The following IL27RA variants were observed in gnomAD, a reference collection of about 807,000 sequenced individuals.
The protein encoded by IL27RA is interleukin-27 receptor subunit alpha.
A neutral mutation model predicts 80.8 loss-of-function variants in IL27RA; 61 were observed. The observed-to-expected ratio is 0.76, with a 90% confidence interval of 0.61 to 0.93. IL27RA has a LOEUF of 0.93. IL27RA is among the 40% of genes least tolerant of loss of function. The probability of loss-of-function intolerance (pLI) is 0.00; values close to 1 mark genes in which losing one functional copy is unlikely to be tolerated. For synonymous variants in IL27RA, 316 were observed against 332.5 expected, an observed-to-expected ratio of 0.95 and a Z score of 0.54; for missense variants, 735 against 808.1, an observed-to-expected ratio of 0.91 and a Z score of 1.10.
Position 14,046,338 on chromosome 19 carries a change from G to T in IL27RA, c.952+1G>T. 1 of 1,613,614 alleles carries T rather than the reference G, an allele frequency of 6.2e-7. No individual in the cohort carries two copies. The highest frequency in any genetic ancestry group is 8.5e-7 in the Non-Finnish European group (1 of 1,179,716). Reference sequence around the variant, plus strand: ...ACCAACCTCTCTTTGGTCTGCTTGGGTAAGAGACTGTGACCTTCCTCAGCT... The same window carrying T: ...ACCAACCTCTCTTTGGTCTGCTTGGTTAAGAGACTGTGACCTTCCTCAGCT... On this transcript the variant is annotated splice_donor_variant, in intron 7 of 13. Transcript: ENST00000263379. LOFTEE classifies it high-confidence loss of function.
chr19:14,051,857 C>A lies in IL27RA; in HGVS notation c.1623-23C>A, dbSNP rs762798155. 17 of 1,558,954 alleles carry A rather than the reference C, an allele frequency of 1.1e-5. No individual in the cohort carries two copies. The Admixed American group carries it at 2.6e-4, about 24-fold the overall frequency. ...GCATCTGGCCATCTGGATCTGCTGC[C>A]CTGACTACTCCTGTCTTGCCAGGTG... On this transcript the variant is annotated intron_variant, in intron 12 of 13. Transcript: ENST00000263379.
intron 2 of IL27RA, among the ~76,000 whole-genome samples, chr19:14,034,259 T>C (rs1255001315): frequency 6.6e-6 from 1 of 152,158 alleles, no homozygotes; most frequent in Non-Finnish European, 1.5e-5. Context: ...TGGAAACTCA[T>C]AATTTCAAAT....
In IL27RA at chr19:14,032,505, TGA is replaced by T; in HGVS notation, c.218+4_218+5del. On this transcript the variant is annotated splice_donor_region_variant and intron_variant, in intron 2 of 13. Transcript: ENST00000263379. ...GTTACACCTCCAGAGCCAAAAGTAG[TGA>T]GTACAGGGAGGTGACGTGGGGAAAC... The T allele has an allele frequency of 6.3e-7, 1 of 1,595,966 alleles. No homozygotes were observed.
intron 2 of IL27RA, among the ~76,000 whole-genome samples, chr19:14,037,929 C>A (rs1381621186): frequency 6.6e-6 from 1 of 150,408 alleles, no homozygotes; most frequent in Non-Finnish European, 1.5e-5. Context: ...CTCCCTGGTT[C>A]AAGCGATTCT....
chr19:14,052,057 G>T (rs1268617542), intron 13 of IL27RA, 39 bp from the exon 14 acceptor site: 2 of 1,598,578 alleles, frequency 1.3e-6, no homozygotes, highest in East Asian at 2.3e-5. Context: ...GTGTGGGTCG[G>T]GGAGGCTGGG....
intron 4 of IL27RA, 29 bp downstream of exon 4, chr19:14,039,939 C>T (rs1465079466): frequency 5.6e-6 from 9 of 1,609,518 alleles, no homozygotes; most frequent in African/African-American, 1.3e-5. Context: ...TTCTCCCCAC[C>T]CTATTCCGGG....
chr19:14,050,935 G>A (rs1976153734), intron 11 of IL27RA, 52 bp downstream of exon 11: 17 of 1,547,536 alleles, frequency 1.1e-5, no homozygotes, highest in South Asian at 1.2e-5. Flanking sequence ...CTCCACAGTG[G>A]GGAGAGGTAG....
Position 14,052,537 on chromosome 19 carries a change from G to A in IL27RA, c.*247G>A, listed in dbSNP as rs12459785. ...AGGAAAATACATGAAATTGAGAGTGGCAGCTGCCTGCCAAAATCTGTTCCG... is the reference window on the plus strand; with the variant it reads ...AGGAAAATACATGAAATTGAGAGTGACAGCTGCCTGCCAAAATCTGTTCCG... On this transcript the variant is annotated 3_prime_UTR_variant, in exon 14 of 14. Coordinates refer to ENST00000263379, the MANE Select transcript of IL27RA (RefSeq NM_004843.4). 7.9e-5 allele frequency: 32 copies of A among 405,966 alleles called. No homozygotes were observed. The Admixed American group carries it at 1.3e-3, about 17-fold the overall frequency. The allele number at this position is 405,966 out of a possible 1,614,324, so 25.1% of individuals were successfully genotyped here. A position where few individuals can be genotyped will look rare whatever the true frequency, so the allele number is the denominator to read the frequency against.
chr19:14,042,853 A>C (rs1976012633), intron 6 of IL27RA, 64 bp downstream of exon 6: 1 of 1,393,240 alleles, frequency 7.2e-7, no homozygotes. Flanking sequence ...TAACAATGAC[A>C]TAAGGCCGGA....
chr19:14,040,013 T>G, intron 4 of IL27RA, 103 bp downstream of exon 4: 1 of 1,124,806 alleles, frequency 8.9e-7, no homozygotes, highest in Non-Finnish European at 1.3e-6. Flanking sequence ...TGCCTGCCCC[T>G]GAGCCTGTAT....
chr19:14,031,889 G>A lies in IL27RA; in HGVS notation c.17G>A (p.Gly6Asp), dbSNP rs1466759141. 1 of 1,602,766 alleles carries A rather than the reference G, an allele frequency of 6.2e-7. No individual in the cohort carries two copies. The highest frequency in any genetic ancestry group is 1.3e-5 in the African/African-American group (1 of 74,704). Reference sequence around the variant, plus strand: ...AGGGACGCCATGCGGGGAGGCAGGGGCGCCCCTTTCTGGCTGTGGCCGCTG... The same window carrying A: ...AGGGACGCCATGCGGGGAGGCAGGGACGCCCCTTTCTGGCTGTGGCCGCTG... MRGGR[G>D]APFWLWPLPK... The change falls in exon 1 of 14, where the codon GGC (glycine) becomes GAC (aspartate). Residue 6 changes from glycine to aspartate, a missense_variant. Gly to Asp is a moderately conservative substitution (Grantham distance 94, BLOSUM62 -1). Coordinates refer to ENST00000263379, the MANE Select transcript of IL27RA (RefSeq NM_004843.4).
chr19:14,032,000 G>A, intron 1 of IL27RA, 28 bp downstream of exon 1: 1 of 1,569,710 alleles, frequency 6.4e-7, no homozygotes, highest in Non-Finnish European at 8.7e-7. Flanking sequence ...CTCGTGTCCC[G>A]GGCGCTGCCG....
chr19:14,034,746 A>T (rs900288381), intron 2 of IL27RA, among the ~76,000 whole-genome samples: 1 of 151,054 alleles, frequency 6.6e-6, no homozygotes, highest in Admixed American at 6.6e-5. Context: ...AGGTCAGGAG[A>T]TCGAGACCAT....
At chr19:14,033,846 C>A (rs1274647932) in intron 2 of IL27RA, among the ~76,000 whole-genome samples, 1 of 151,270 alleles carries the variant, frequency 6.6e-6, no homozygotes, top group African/African-American at 2.4e-5. Flanking sequence ...TGCCTGTAAT[C>A]CCAGTTACTC....
chr19:14,049,308 A>C lies in IL27RA; in HGVS notation c.1396A>C (p.Met466Leu). The C allele has an allele frequency of 3.7e-6, 6 of 1,612,750 alleles. No homozygotes were observed. Among genetic ancestry groups the C allele is most frequent in the South Asian group, 1.1e-5 (1 of 90,962 alleles). ...GAGTGGAACCAGCCCCTCCGTCTGC[A>C]TGAATGGTGAGCTTCCCTGCCTGCT... ...AQSGTSPSVC[M>L]NVSGNTQSVT... Residue 466 changes from methionine to leucine, a missense_variant, in exon 10 of 14, where the codon ATG (methionine) becomes CTG (leucine). By Grantham distance (15) the Met-to-Leu change is conservative. Transcript: ENST00000263379.
intron 2 of IL27RA, among the ~76,000 whole-genome samples, chr19:14,036,083 A>T (rs1329278498): frequency 6.6e-6 from 1 of 151,690 alleles, no homozygotes; most frequent in African/African-American, 2.4e-5. Context: ...CTATTAAAAA[A>T]AAAAAAAAGA....
Position 14,042,764 on chromosome 19 carries a change from G to C in IL27RA, c.743G>C (p.Gly248Ala). ...VSGNLCGTPG[G>A]EEPLLLWKAP... is the part of the protein sequence containing the mutation. The stretch of plus-strand genomic sequence containing the variant: ...GGGAACCTCTGTGGGACGCCTGGAG[G>C]AGAGGAACCTTTGCTTCTATGGAAG... The change falls in exon 6 of 14, where the codon GGA (glycine) becomes GCA (alanine). Residue 248 changes from glycine (G) to alanine (A), a missense_variant. By Grantham distance (60) the Gly-to-Ala change is moderately conservative (BLOSUM62 0). Transcript: ENST00000263379. The C allele has an allele frequency of 6.2e-7, 1 of 1,614,156 alleles. No individual in the cohort carries two copies. The highest frequency in any genetic ancestry group is 8.5e-7 in the Non-Finnish European group (1 of 1,180,022).
At position 14,050,837 on chromosome 19, in the gene IL27RA, C is replaced by T. The variant is rs750111902; in HGVS notation, c.1482C>T (p.Ile494=). Residue 494 remains isoleucine, a synonymous_variant, in exon 11 of 14, where the codon ATC becomes ATT. Transcript: ENST00000263379. ...AGCTGTGGGTGACAGCATCTACCAT[C>T]GCTGGACAGGGCCCTCCTGGTCCCA... ...PCELWVTAST[I]AGQGPPGPIL... is the part of the protein sequence containing the mutation. 6.2e-6 allele frequency: 10 copies of T among 1,613,534 alleles called. No homozygotes were observed. Among genetic ancestry groups the T allele is most frequent in the East Asian group, 4.5e-5 (2 of 44,870 alleles).
chr19:14,041,421 G>A (rs758950573), intron 4 of IL27RA, among the ~76,000 whole-genome samples: 26 of 151,826 alleles, frequency 1.7e-4, no homozygotes, highest in African/African-American at 6.0e-4. Flanking sequence ...GGCTGGTCTC[G>A]AACTCCTGAC....
Sources: allele counts gnomAD v4.1 joint callset (sites outside exome capture counted in the v4.1 genomes callset), GRCh38; gene constraint gnomAD v4.1.1; transcripts MANE v1.5; gene names NCBI Gene and HGNC (gene_info 2026-07-23, HGNC 2026-07-21).